Variants in CFAP91 observed in about 807,000 individuals in gnomAD.
CFAP91 encodes cilia and flagella associated protein 91.
A neutral mutation model predicts 95.9 loss-of-function variants in CFAP91; 85 were observed. The ratio of observed to expected loss-of-function variants is 0.89; its 90% confidence interval spans 0.74 to 1.06. The LOEUF (loss-of-function observed/expected upper bound fraction) is 1.06. CFAP91 is among the 50% of genes least tolerant of loss of function. CFAP91 has a pLI of 0.00. For synonymous variants in CFAP91, 335 were observed against 327.5 expected (o/e 1.02, Z -0.25); for missense variants, 962 against 943.4 (o/e 1.02, Z -0.26).
At chr3:119,719,238 G>A (rs4687880) in intron 6 of CFAP91, among the ~76,000 whole-genome samples, 139,066 of 152,228 alleles carry the variant, frequency 0.91, 64,817 homozygotes, top group East Asian at 1. Context: ...TGTAAAACCA[G>A]TCAAAACTAA....
intron 17 of CFAP91, among the ~76,000 whole-genome samples, chr3:119,753,824 C>T (rs1187647220): frequency 6.6e-6 from 1 of 152,162 alleles, no homozygotes. Flanking sequence ...CCACTCTTCC[C>T]CCCAAGTCCG....
chr3:119,703,729 G>C (rs35403027), intron 1 of CFAP91, among the ~76,000 whole-genome samples: 23,900 of 151,840 alleles, frequency 0.16, 2,046 homozygotes, highest in Admixed American at 0.2. Flanking sequence ...GGCTCCTCTT[G>C]GGCCAATAAA....
At position 119,735,205 on chromosome 3, in the gene CFAP91, C is replaced by CT. The variant is rs2053978532; in HGVS notation, c.1344+1703dup. On this transcript the variant is annotated intron_variant, in intron 10 of 17. Transcript: ENST00000273390. ...AGTATTTATGTTTCCAAACAATGAA[C>CT]TTTTGATTTTGTTGATTTTCTGTGT... Among the ~76,000 whole-genome samples the CT allele has an allele frequency of 2.0e-5, 3 of 152,098 alleles. No homozygotes were observed. In the South Asian group the frequency reaches 6.2e-4, roughly 32 times the overall value.
At chr3:119,716,171 A>G (rs1044420742) in intron 6 of CFAP91, among the ~76,000 whole-genome samples, 62 of 152,228 alleles carry the variant, frequency 4.1e-4, no homozygotes, top group Admixed American at 9.2e-4. Context: ...CCTCCCTTAT[A>G]TACTTTATTA....
chr3:119,706,595 T>A, intron 1 of CFAP91: 1 of 508,504 alleles, frequency 2.0e-6, no homozygotes, highest in Non-Finnish European at 3.5e-6. Context: ...CTTGGAATAC[T>A]CAGAAAAGAA....
intron 6 of CFAP91, among the ~76,000 whole-genome samples, chr3:119,718,439 T>G (rs4687878): frequency 0.91 from 139,045 of 152,188 alleles, 64,814 homozygotes; most frequent in East Asian, 1. Flanking sequence ...AAAAGAAAAG[T>G]AAGAGCTGTG....
chr3:119,713,303 T>C (rs1354582518), intron 5 of CFAP91: 3 of 151,606 alleles, frequency 2.0e-5, no homozygotes, highest in African/African-American at 7.3e-5. Flanking sequence ...GTATCTTTAG[T>C]AGAGAGGGAG....
intron 6 of CFAP91, among the ~76,000 whole-genome samples, chr3:119,717,387 T>G (rs760559351): frequency 2.6e-4 from 40 of 152,204 alleles, no homozygotes; most frequent in Non-Finnish European, 5.0e-4. Context: ...TCTGGTACAC[T>G]GTCATAGCAG....
chr3:119,716,267 G>T (rs1048900589), intron 6 of CFAP91, among the ~76,000 whole-genome samples: 66 of 152,132 alleles, frequency 4.3e-4, no homozygotes, highest in African/African-American at 1.5e-3. Flanking sequence ...AATAAAATCT[G>T]GCCTAGGCCT....
At chr3:119,710,018 G>A in intron 5 of CFAP91, 123 bp downstream of exon 5, 1 of 734,500 alleles carries the variant, frequency 1.4e-6, no homozygotes, top group Non-Finnish European at 2.3e-6. Flanking sequence ...ACATTAGAAG[G>A]GTATGAAATC....
At chr3:119,747,343 T>G in intron 15 of CFAP91, 80 bp downstream of exon 15, 1 of 1,468,262 alleles carries the variant, frequency 6.8e-7, no homozygotes, top group African/African-American at 1.4e-5. Flanking sequence ...AGCTTACAAT[T>G]TCACCACCAA....
chr3:119,744,326 T>C, intron 14 of CFAP91, 130 bp downstream of exon 14: 1 of 672,086 alleles, frequency 1.5e-6, no homozygotes, highest in Non-Finnish European at 2.5e-6. Flanking sequence ...CCAGGCACTC[T>C]ACAGAGGCAC....
intron 13 of CFAP91, among the ~76,000 whole-genome samples, chr3:119,742,474 G>C (rs1054722148): frequency 6.6e-6 from 1 of 152,174 alleles, no homozygotes; most frequent in African/African-American, 2.4e-5. Context: ...AGATGGTACT[G>C]CCTGTGCCTA....
chr3:119,752,083 A>C (rs1284784605), intron 17 of CFAP91, among the ~76,000 whole-genome samples: 1 of 152,196 alleles, frequency 6.6e-6, no homozygotes, highest in Non-Finnish European at 1.5e-5. Flanking sequence ...TCTCATGAGA[A>C]GGGGAATGGA....
rs779430287 is a variant in CFAP91 at position 119,703,223 on chromosome 3, G to A, written c.124+1G>A. ...AATCGAGCGTATGATTTTCTGTACG[G>A]TAAGGACCGCCGCAGACCTTCCTCC... On this transcript the variant is annotated splice_donor_variant, in intron 1 of 17. Transcript: ENST00000273390. LOFTEE classifies it high-confidence loss of function. 6.2e-7 allele frequency: 1 copy of A among 1,611,726 alleles called. No homozygotes were observed. Among genetic ancestry groups the A allele is most frequent in the South Asian group, 1.1e-5 (1 of 90,544 alleles).
At chr3:119,762,124 A>C (rs1313322055) in intron 17 of CFAP91, among the ~76,000 whole-genome samples, 3 of 151,906 alleles carry the variant, frequency 2.0e-5, no homozygotes, top group African/African-American at 7.2e-5. Flanking sequence ...AATAGAAATG[A>C]TAAAGTAATT....
intron 12 of CFAP91, among the ~76,000 whole-genome samples, chr3:119,740,348 C>G (rs1195791016): frequency 2.6e-5 from 4 of 152,176 alleles, no homozygotes; most frequent in Non-Finnish European, 5.9e-5. Context: ...AAAACTAAGC[C>G]CATTTTCTGC....
intron 7 of CFAP91, among the ~76,000 whole-genome samples, chr3:119,728,031 G>GATGATGATA (rs1315395020): frequency 6.6e-6 from 1 of 151,814 alleles, no homozygotes; most frequent in African/African-American, 2.4e-5. Context: ...TGATGATGAT[G>GATGATGATA]ATGATGATAA....
intron 10 of CFAP91, among the ~76,000 whole-genome samples, chr3:119,735,714 G>A (rs188911401): frequency 6.6e-6 from 1 of 152,268 alleles, no homozygotes; most frequent in East Asian, 1.9e-4. Flanking sequence ...GATGGGTAGA[G>A]CAGGCACCTT....
Sources: gnomAD v4.1 joint callset for allele counts (sites outside exome capture counted in the v4.1 genomes callset) on GRCh38, gnomAD v4.1.1 for gene constraint, MANE v1.5 for transcripts, NCBI Gene and HGNC (gene_info 2026-07-23, HGNC 2026-07-21) for gene names.